The following TBC1D5 variants were observed in gnomAD, a reference collection of about 807,000 sequenced individuals.
TBC1D5 encodes the protein TBC1 domain family, member 5.
Under a neutral mutation model 100.3 loss-of-function variants are expected in TBC1D5, and 75 were observed. The ratio of observed to expected loss-of-function variants is 0.75; its 90% CI spans 0.62 to 0.91. The LOEUF is 0.91. Ranked by LOEUF, TBC1D5 falls within the 40% of genes least tolerant of loss-of-function variation. TBC1D5 has a pLI of 0.00. For missense variants in TBC1D5, 910 were observed against 942.4 expected (o/e 0.97, Z 0.45); for synonymous variants, 323 against 325.6 (o/e 0.99, Z 0.09).
chr3:17,413,267 GAGA>G (rs1483360329), intron 4 of TBC1D5, among the ~76,000 whole-genome samples: 6 of 152,194 alleles, frequency 3.9e-5, no homozygotes, highest in Admixed American at 1.3e-4. Flanking sequence ...GCACCATGCT[GAGA>G]AGGACTCTGA....
intron 2 of TBC1D5, among the ~76,000 whole-genome samples, chr3:17,599,810 CCT>C (rs1010714065): frequency 6.6e-6 from 1 of 152,170 alleles, no homozygotes; most frequent in African/African-American, 2.4e-5. Context: ...AAGCCACACC[CCT>C]GTCTAAAGTC....
chr3:17,357,412 G>C (rs973353539), intron 13 of TBC1D5, among the ~76,000 whole-genome samples: 1 of 152,166 alleles, frequency 6.6e-6, no homozygotes, highest in South Asian at 2.1e-4. Flanking sequence ...AAAGTCAAAA[G>C]AGTGGGAGTG....
intron 15 of TBC1D5, among the ~76,000 whole-genome samples, chr3:17,273,734 G>A (rs1354094635): frequency 1.3e-5 from 2 of 151,102 alleles, no homozygotes; most frequent in African/African-American, 4.9e-5. Context: ...TTGAACCCGG[G>A]AGGTGGAGGT....
At chr3:17,491,216 T>A (rs566264854) in intron 3 of TBC1D5, among the ~76,000 whole-genome samples, 2 of 152,176 alleles carry the variant, frequency 1.3e-5, no homozygotes, top group African/African-American at 4.8e-5. Context: ...TGGGCTGAGA[T>A]GATGGGGTTT....
rs1319929876 is a variant in TBC1D5 at position 17,383,406 on chromosome 3, ATCT to A, written c.612+504_612+506del. On this transcript the variant is annotated intron_variant, in intron 9 of 21. Coordinates refer to ENST00000253692, the Ensembl canonical transcript of TBC1D5. ...TTCAATAAAATAAAACAACCCAATA[ATCT>A]TCTTTGCTTTAGTAATGAGACGAGT... 4.6e-5 allele frequency among the ~76,000 whole-genome samples: 7 copies of A among 152,052 alleles called. No homozygotes were observed. The East Asian group carries it at 1.4e-3, about 29-fold the overall frequency.
chr3:17,737,830 A>C (rs76555646), intron 1 of TBC1D5, among the ~76,000 whole-genome samples: 15,329 of 152,060 alleles, frequency 0.1, 862 homozygotes, highest in African/African-American at 0.15. Context: ...TGTTTCAAAA[A>C]AAAAAAAACC....
chr3:17,169,986 T>C (rs904263054), intron 19 of TBC1D5, among the ~76,000 whole-genome samples: 1 of 152,228 alleles, frequency 6.6e-6, no homozygotes, highest in Non-Finnish European at 1.5e-5. Flanking sequence ...AATCCAATGC[T>C]GCCTCTGATC....
intron 13 of TBC1D5, among the ~76,000 whole-genome samples, chr3:17,342,746 CAT>C (rs2089203430): frequency 6.6e-6 from 1 of 152,110 alleles, no homozygotes; most frequent in Non-Finnish European, 1.5e-5. Flanking sequence ...TTTTTATGCA[CAT>C]ATAATATATA....
At chr3:17,677,321 A>G (rs1044906549) in intron 1 of TBC1D5, among the ~76,000 whole-genome samples, 3 of 152,184 alleles carry the variant, frequency 2.0e-5, no homozygotes. Flanking sequence ...AAACAACCCC[A>G]TCAAAAAGTG....
rs2085261301 is a variant in TBC1D5 at position 17,320,412 on chromosome 3, T to A, written c.996-12278A>T. ...TATTTTAAAAAGCCCTTTGGGTGAT[T>A]CTGATGCAAGCTCAAGTTTGAGAAC... On this transcript the variant is annotated intron_variant, in intron 13 of 21. Transcript: ENST00000253692. 2.0e-5 allele frequency among the ~76,000 whole-genome samples: 3 copies of A among 152,188 alleles called. No individual in the cohort carries two copies. The South Asian group carries it at 6.2e-4, about 31-fold the overall frequency.
At chr3:17,218,296 T>C (rs1008138683) in intron 17 of TBC1D5, among the ~76,000 whole-genome samples, 1 of 152,054 alleles carries the variant, frequency 6.6e-6, no homozygotes, top group African/African-American at 2.4e-5. Flanking sequence ...CAAGATTGTT[T>C]TGGCTACTAG....
chr3:17,382,462 T>C (rs980156260), intron 9 of TBC1D5, among the ~76,000 whole-genome samples: 5 of 152,088 alleles, frequency 3.3e-5, no homozygotes, highest in Non-Finnish European at 4.4e-5. Flanking sequence ...GAATGATAAT[T>C]CATTTAAACA....
intron 3 of TBC1D5, among the ~76,000 whole-genome samples, chr3:17,434,833 A>C (rs2149449139): frequency 6.6e-6 from 1 of 152,152 alleles, no homozygotes. Flanking sequence ...CCCCTACTAC[A>C]TTGTCATCCT....
chr3:17,495,866 A>G (rs950619080), intron 3 of TBC1D5, among the ~76,000 whole-genome samples: 33 of 152,244 alleles, frequency 2.2e-4, no homozygotes, highest in African/African-American at 6.8e-4. Flanking sequence ...ATGTTCAGAA[A>G]TTGAATTATT....
At chr3:17,679,182 T>C (rs1465745818) in intron 1 of TBC1D5, among the ~76,000 whole-genome samples, 1 of 151,168 alleles carries the variant, frequency 6.6e-6, no homozygotes, top group Non-Finnish European at 1.5e-5. Context: ...GACTACTATC[T>C]ATCCCAGAAT....
intron 3 of TBC1D5, among the ~76,000 whole-genome samples, chr3:17,485,816 C>T (rs2095558556): frequency 6.6e-6 from 1 of 151,886 alleles, no homozygotes; most frequent in African/African-American, 2.4e-5. Context: ...GTGCATGTGT[C>T]TTTATAGCAG....
At chr3:17,450,450 A>G (rs1214449512) in intron 3 of TBC1D5, among the ~76,000 whole-genome samples, 1 of 152,184 alleles carries the variant, frequency 6.6e-6, no homozygotes, top group African/African-American at 2.4e-5. Context: ...TTAAAGGAGC[A>G]TGTTCTAACT....
chr3:17,392,288 T>A (rs1243559730), intron 8 of TBC1D5, among the ~76,000 whole-genome samples: 3 of 152,104 alleles, frequency 2.0e-5, no homozygotes, highest in Admixed American at 2.0e-4. Context: ...GGTTGTAATA[T>A]TGGTGCAGAA....
chr3:17,710,090 T>C (rs912694149), intron 1 of TBC1D5, among the ~76,000 whole-genome samples: 2 of 152,104 alleles, frequency 1.3e-5, no homozygotes, highest in African/African-American at 4.8e-5. Flanking sequence ...TGGACAACTA[T>C]ATACAATGAT....
Sources: gnomAD v4.1 joint callset for allele counts (sites outside exome capture counted in the v4.1 genomes callset) on GRCh38, gnomAD v4.1.1 for gene constraint, MANE v1.5 for transcripts, NCBI Gene and HGNC (gene_info 2026-07-23, HGNC 2026-07-21) for gene names.